Variants in EWSR1 observed in about 807,000 individuals in gnomAD.
The protein encoded by EWSR1 is RNA-binding protein EWS.
Under a neutral mutation model 92.1 loss-of-function variants are expected in EWSR1, and 14 were observed. The ratio of observed to expected loss-of-function variants is 0.15; its 90% CI spans 0.10 to 0.24. EWSR1 has a LOEUF of 0.24. EWSR1 is among the 10% of genes least tolerant of loss of function. EWSR1 has a pLI of 1.00. For missense variants in EWSR1, 637 were observed against 870.9 expected (o/e 0.73, Z 3.38); for synonymous variants, 303 against 292.9 (o/e 1.03, Z -0.35).
chr22:29,273,574 CATT>C (rs1330779925), intron 3 of EWSR1, among the ~76,000 whole-genome samples, 164 bp from the exon 4 acceptor site: 8 of 152,140 alleles, frequency 5.3e-5, no homozygotes, highest in Non-Finnish European at 1.2e-4. Flanking sequence ...TAAGGGATAA[CATT>C]CATGATACTG....
Position 29,300,465 on chromosome 22 carries a change from T to C in EWSR1, c.*304T>C, listed in dbSNP as rs940105474. 3 of 302,880 alleles carry C rather than the reference T, an allele frequency of 9.9e-6. No individual in the cohort carries two copies. The highest frequency in any genetic ancestry group is 1.8e-5 in the Non-Finnish European group (3 of 166,396). 18.8% of individuals were successfully genotyped at this position (302,880 alleles called of 1,614,324 possible). ...GAGGGCCTCTTAACTGTAACAATGT[T>C]CATGGTTGTGATGTTTTTTTTTTTT... On this transcript the variant is annotated 3_prime_UTR_variant, in exon 17 of 17. Coordinates refer to ENST00000397938, the MANE Select transcript of EWSR1 (RefSeq NM_005243.4).
intron 8 of EWSR1, 128 bp downstream of exon 8, chr22:29,288,914 C>T: frequency 2.2e-6 from 2 of 892,824 alleles, no homozygotes; most frequent in Non-Finnish European, 3.2e-6. Context: ...TGAGCTCAAG[C>T]CATCTTCTAA....
chr22:29,272,636 CTT>C (rs1296569818), intron 3 of EWSR1, among the ~76,000 whole-genome samples: 3 of 152,290 alleles, frequency 2.0e-5, no homozygotes, highest in East Asian at 3.9e-4. Context: ...ATAATTGACT[CTT>C]TATAACTTTT....
At chr22:29,272,749 A>G (rs1300134081) in intron 3 of EWSR1, among the ~76,000 whole-genome samples, 1 of 152,226 alleles carries the variant, frequency 6.6e-6, no homozygotes, top group African/African-American at 2.4e-5. Context: ...CTGCAAAGGA[A>G]GAGGATGATA....
intron 8 of EWSR1, chr22:29,289,776 C>G (rs1211961581): frequency 8.6e-6 from 2 of 231,892 alleles, no homozygotes; most frequent in Non-Finnish European, 1.7e-5. Flanking sequence ...AGCAAATACT[C>G]TTCACTACTG....
chr22:29,276,700 G>T (rs2059151969), intron 4 of EWSR1: 2 of 230,348 alleles, frequency 8.7e-6, no homozygotes, highest in African/African-American at 4.4e-5. Flanking sequence ...TTAAGATAGG[G>T]TCTCTGTTGC....
rs573011438 is a variant in EWSR1, at chr22:29,273,830, C to T, written c.192C>T (p.Thr64=). The change falls in exon 4 of 17, where the codon ACC becomes ACT. Residue 64 remains threonine (T), a synonymous_variant. Coordinates refer to ENST00000397938, the MANE Select transcript of EWSR1 (RefSeq NM_005243.4). ...QAQTTATYGQ[T]AYATSYGQPP... is the part of the protein sequence containing the mutation. ...AGACCACTGCAACCTATGGGCAGAC[C>T]GCCTATGCAACTTCTTATGGACAGC... 44 of 1,613,988 alleles carry T rather than the reference C, an allele frequency of 2.7e-5. No individual in the cohort carries two copies. The highest frequency in any genetic ancestry group is 3.3e-5 in the Non-Finnish European group (39 of 1,179,946).
chr22:29,280,862 GTTTTTTTTTT>G (rs71196650), intron 5 of EWSR1, among the ~76,000 whole-genome samples: 4 of 62,870 alleles, frequency 6.4e-5, no homozygotes, highest in Non-Finnish European at 6.2e-5. Context: ...TGTGTGTGTT[GTTTTTTTTTT>G]TTTTTTTTTT....
chr22:29,268,459 GT>G, intron 1 of EWSR1, 110 bp downstream of exon 1: 1 of 1,581,680 alleles, frequency 6.3e-7, no homozygotes, highest in Admixed American at 1.7e-5. Context: ...CCGAGAGGGG[GT>G]TGAGGCACCC....
At chr22:29,280,888 T>G (rs577980215) in intron 5 of EWSR1, among the ~76,000 whole-genome samples, 8,465 of 120,664 alleles carry the variant, frequency 0.07, 717 homozygotes, top group South Asian at 0.11. Flanking sequence ...TTTTTTTTTT[T>G]TTTTTTTTTT....
At chr22:29,268,380 C>A in intron 1 of EWSR1, 31 bp downstream of exon 1, 1 of 1,613,884 alleles carries the variant, frequency 6.2e-7, no homozygotes. Flanking sequence ...GTCGCGCCGG[C>A]GGTAGCCGGA....
In EWSR1 at chr22:29,268,732, C is replaced by T. The variant is rs1003565947; in HGVS notation, c.13+383C>T. Among the ~76,000 whole-genome samples, 3 of 152,342 alleles carry T rather than the reference C, an allele frequency of 2.0e-5. 1 individual carries two copies. The highest frequency in any genetic ancestry group is 2.9e-5 in the Non-Finnish European group (2 of 68,022). On this transcript the variant is annotated intron_variant, in intron 1 of 16. Transcript: ENST00000397938. ...GGCCTCAAGCCGGTCACTATGAAAC[C>T]GCCGGGGGGCCCGCAGGCTGCTGTC...
At chr22:29,274,192 A>T (rs890266595) in intron 4 of EWSR1, 2 of 1,537,752 alleles carry the variant, frequency 1.3e-6, no homozygotes, top group African/African-American at 1.4e-5. Flanking sequence ...GCTGCTTAAA[A>T]ATCAAACTGG....
At chr22:29,283,866 C>T (rs1288466960) in intron 6 of EWSR1, among the ~76,000 whole-genome samples, 1 of 150,164 alleles carries the variant, frequency 6.7e-6, no homozygotes, top group Non-Finnish European at 1.5e-5. Context: ...TGGAGTTTTG[C>T]TCTTGTTGCC....
intron 4 of EWSR1, chr22:29,275,791 A>C (rs1344551866): frequency 8.7e-6 from 2 of 230,556 alleles, no homozygotes; most frequent in African/African-American, 4.4e-5. Flanking sequence ...ATTCAATGGA[A>C]TTCTTAAAAA....
chr22:29,273,614 T>C (rs2058863140), intron 3 of EWSR1, 127 bp from the exon 4 acceptor site: 3 of 1,054,304 alleles, frequency 2.8e-6, no homozygotes, highest in Non-Finnish European at 4.1e-6. Flanking sequence ...TTTGTTGTTT[T>C]TGTTTTGTTT....
At chr22:29,291,470 C>T in intron 8 of EWSR1, 92 bp from the exon 9 acceptor site, 1 of 1,209,214 alleles carries the variant, frequency 8.3e-7, no homozygotes, top group Non-Finnish European at 1.2e-6. Flanking sequence ...TGTGTTTAGC[C>T]AGTGCCCTTC....
At chr22:29,269,999 A>G (rs2058533693) in intron 1 of EWSR1, among the ~76,000 whole-genome samples, 1 of 152,222 alleles carries the variant, frequency 6.6e-6, no homozygotes, top group Non-Finnish European at 1.5e-5. Context: ...GAGTCACATA[A>G]GTAATCTGGT....
At chr22:29,293,993 C>G (rs1011877713) in intron 11 of EWSR1, among the ~76,000 whole-genome samples, 2 of 151,794 alleles carry the variant, frequency 1.3e-5, no homozygotes, top group African/African-American at 4.8e-5. Context: ...CTCAGCCTCC[C>G]GAGTAGCTGG....
Sources: gnomAD v4.1 joint callset for allele counts (sites outside exome capture counted in the v4.1 genomes callset) on GRCh38, gnomAD v4.1.1 for gene constraint, MANE v1.5 for transcripts, NCBI Gene and HGNC (gene_info 2026-07-23, HGNC 2026-07-21) for gene names.